Variants in THSD7A observed in about 807,000 individuals in gnomAD.
The protein encoded by THSD7A is thrombospondin type-1 domain-containing protein 7A.
In THSD7A, 96 loss-of-function variants were observed where a neutral mutation model predicts 231.3. That is an observed-to-expected ratio of 0.41 (90% CI 0.35 to 0.49). The LOEUF (loss-of-function observed/expected upper bound fraction) is 0.49. Ranked by LOEUF, THSD7A falls within the 20% of genes least tolerant of loss-of-function variation. The pLI, the probability that THSD7A is intolerant of heterozygous loss-of-function variation, is 0.05. For missense variants in THSD7A, 2,290 were observed against 2,070.2 expected (o/e 1.11, Z -2.06); for synonymous variants, 940 against 743.3 (o/e 1.26, Z -4.30).
intron 6 of THSD7A, among the ~76,000 whole-genome samples, chr7:11,518,598 AACAC>A (rs138134072): frequency 1.5e-4 from 23 of 150,064 alleles, no homozygotes; most frequent in Admixed American, 2.0e-4. Context: ...ATAAAATAGA[AACAC>A]ACACACACAC....
intron 1 of THSD7A, among the ~76,000 whole-genome samples, chr7:11,763,569 A>G (rs1782932948): frequency 6.6e-6 from 1 of 152,176 alleles, no homozygotes; most frequent in Non-Finnish European, 1.5e-5. Flanking sequence ...AAATCTTAGC[A>G]TAATGCCTTA....
rs146034448 is a variant in THSD7A, at chr7:11,814,588, C to T, written c.190+17169G>A. ...CAAGGTTGAAGGACCACCTTGTCTG[C>T]TTCATAGTATTTATTCTCTTCTTGT... On this transcript the variant is annotated intron_variant, in intron 1 of 27. Transcript: ENST00000423059. This position sits in a 1 kb window ranked among gnomAD's most constrained non-coding sequence, Gnocchi z 5.1. Among the ~76,000 whole-genome samples, 8 of 152,262 alleles carry T rather than the reference C, an allele frequency of 5.3e-5. No homozygotes were observed. Among genetic ancestry groups the T allele is most frequent in the African/African-American group, 1.7e-4 (7 of 41,556 alleles).
At chr7:11,705,050 A>G (rs1472611973) in intron 1 of THSD7A, among the ~76,000 whole-genome samples, 1 of 151,032 alleles carries the variant, frequency 6.6e-6, no homozygotes, top group African/African-American at 2.4e-5. Context: ...AAATACTATC[A>G]CTGATATTAG....
At chr7:11,497,032 G>A (rs1266626589) in intron 6 of THSD7A, among the ~76,000 whole-genome samples, 1 of 152,170 alleles carries the variant, frequency 6.6e-6, no homozygotes, top group African/African-American at 2.4e-5. Flanking sequence ...AAAGGAAAGA[G>A]GTTTAATTCA....
intron 4 of THSD7A, among the ~76,000 whole-genome samples, chr7:11,568,624 C>CAAAAAAAAAAAAAAAAA (rs33930587): frequency 4.1e-5 from 2 of 48,984 alleles, no homozygotes; most frequent in Non-Finnish European, 7.7e-5. Flanking sequence ...AACTCCGTCT[C>CAAAAAAAAAAAAAAAAA]AAAAAAAAAA....
chr7:11,627,516 C>T (rs1208666281), intron 2 of THSD7A, among the ~76,000 whole-genome samples: 1 of 151,914 alleles, frequency 6.6e-6, no homozygotes, highest in Non-Finnish European at 1.5e-5. Context: ...AATCTTGGAC[C>T]TGACATAATA....
At chr7:11,722,180 A>C (rs1781379868) in intron 1 of THSD7A, among the ~76,000 whole-genome samples, 1 of 151,854 alleles carries the variant, frequency 6.6e-6, no homozygotes, top group South Asian at 2.1e-4. Flanking sequence ...TTTATAGGTT[A>C]ACTTTAAAGC....
rs575403464 is a variant in THSD7A, at chr7:11,781,333, T to C, written c.190+50424A>G. 4.0e-5 allele frequency among the ~76,000 whole-genome samples: 6 copies of C among 151,532 alleles called. No individual in the cohort carries two copies. In the South Asian group the frequency reaches 1.0e-3, roughly 26 times the overall value. On this transcript the variant is annotated intron_variant, in intron 1 of 27. Coordinates refer to ENST00000423059, the MANE Select transcript of THSD7A (RefSeq NM_015204.3). ...AGCCAGGCATGGTGGCGTGTGCCCA[T>C]AGTCCCAGTTACCTGAGAGGCTGAG...
chr7:11,579,480 G>A (rs1584017576), intron 4 of THSD7A, among the ~76,000 whole-genome samples: 1 of 152,256 alleles, frequency 6.6e-6, no homozygotes, highest in East Asian at 1.9e-4. Flanking sequence ...GTGCTTAAGG[G>A]TTACAAAAAG....
At position 11,814,893 on chromosome 7, in the gene THSD7A, T is replaced by G. The variant is rs1784632315; in HGVS notation, c.190+16864A>C. Among the ~76,000 whole-genome samples the G allele has an allele frequency of 6.6e-6, 1 of 152,120 alleles. No individual in the cohort carries two copies. The highest frequency in any genetic ancestry group is 2.1e-4 in the South Asian group (1 of 4,824). ...TCTTTGCTGCATTTCTGTGATTATC[T>G]GTGCCAGCTCATGAGCAGCAGATGC... On this transcript the variant is annotated intron_variant, in intron 1 of 27. Transcript: ENST00000423059. This position sits in a 1 kb window ranked among gnomAD's most constrained non-coding sequence, Gnocchi z 5.1.
intron 2 of THSD7A, among the ~76,000 whole-genome samples, chr7:11,607,629 A>G (rs1401578461): frequency 1.3e-5 from 2 of 151,890 alleles, no homozygotes; most frequent in Admixed American, 1.3e-4. Context: ...TTATTTATTT[A>G]TTTATTCATT....
intron 2 of THSD7A, among the ~76,000 whole-genome samples, chr7:11,613,273 A>T (rs1780994136): frequency 6.6e-6 from 1 of 152,178 alleles, no homozygotes; most frequent in Non-Finnish European, 1.5e-5. Flanking sequence ...AACTCTCTGG[A>T]TTTTAGAGAA....
At position 11,751,964 on chromosome 7, in the gene THSD7A, C is replaced by T. The variant is rs183798637; in HGVS notation, c.190+79793G>A. ...ACTTGCAGCTTATAGCTGCAGCGAA[C>T]GCTGAGAATGAAGTACTCAAACAAT... On this transcript the variant is annotated intron_variant, in intron 1 of 27. Transcript: ENST00000423059. Among the ~76,000 whole-genome samples the T allele has an allele frequency of 2.0e-4, 30 of 152,192 alleles. No homozygotes were observed. In the East Asian group the frequency reaches 2.5e-3, roughly 13 times the overall value.
intron 6 of THSD7A, among the ~76,000 whole-genome samples, chr7:11,487,917 CTT>C (rs1441116469): frequency 1.3e-5 from 2 of 150,864 alleles, no homozygotes; most frequent in African/African-American, 2.4e-5. Context: ...CTAAACGCCT[CTT>C]GAGTTATCCT....
intron 1 of THSD7A, among the ~76,000 whole-genome samples, chr7:11,675,863 C>T (rs1382170476): frequency 2.0e-5 from 3 of 152,204 alleles, no homozygotes; most frequent in Non-Finnish European, 2.9e-5. Context: ...ACGTTCCTGC[C>T]TGCCAGCTCT....
chr7:11,810,426 C>CT (rs1784500792), intron 1 of THSD7A, among the ~76,000 whole-genome samples: 1 of 152,118 alleles, frequency 6.6e-6, no homozygotes, highest in South Asian at 2.1e-4. Flanking sequence ...CCCGATTACA[C>CT]TGATTACAAT....
intron 1 of THSD7A, among the ~76,000 whole-genome samples, chr7:11,665,375 A>G (rs1014753378): frequency 2.6e-5 from 4 of 152,104 alleles, no homozygotes; most frequent in Non-Finnish European, 5.9e-5. Context: ...GTACGAGTAG[A>G]ACTAATAAGT....
chr7:11,610,888 T>C (rs2128348832), intron 2 of THSD7A, among the ~76,000 whole-genome samples: 1 of 152,272 alleles, frequency 6.6e-6, no homozygotes. Context: ...CCAAGATGTG[T>C]ACTTCACAAA....
chr7:11,465,591 T>A (rs1003137521), intron 9 of THSD7A, among the ~76,000 whole-genome samples: 1 of 151,582 alleles, frequency 6.6e-6, no homozygotes, highest in African/African-American at 2.4e-5. Context: ...TTAAACTGGA[T>A]ATGGGATGGA....
Sources: gnomAD v4.1 joint callset for allele counts (sites outside exome capture counted in the v4.1 genomes callset) on GRCh38, gnomAD v4.1.1 for gene constraint, Gnocchi (gnomAD v3.1) non-coding constraint, MANE v1.5 for transcripts, NCBI Gene and HGNC (gene_info 2026-07-23, HGNC 2026-07-21) for gene names.